The following LINGO2 variants were observed in gnomAD, a reference collection of about 807,000 sequenced individuals.
LINGO2 encodes the protein leucine rich repeat and Ig domain containing 2.
A neutral mutation model predicts 30.6 loss-of-function variants in LINGO2; 14 were observed. The ratio of observed to expected loss-of-function variants is 0.46; its 90% CI spans 0.30 to 0.72. LINGO2 has a LOEUF of 0.72. LINGO2 is among the 30% of genes least tolerant of loss of function. The pLI is 0.07. For synonymous variants in LINGO2, 317 were observed against 288.5 expected (o/e 1.10, Z -1.00); for missense variants, 729 against 751.7 (o/e 0.97, Z 0.35).
At chr9:29,062,445 A>C in the LINGO2 span, among the ~76,000 whole-genome samples, 1 of 152,200 alleles carries the variant, frequency 6.6e-6, no homozygotes, top group African/African-American at 2.4e-5. Context: ...CTGAGTGTTC[A>C]TCAGTGGATG....
At chr9:28,995,017 A>G in the LINGO2 span, among the ~76,000 whole-genome samples, 4 of 152,042 alleles carry the variant, frequency 2.6e-5, no homozygotes, top group Admixed American at 2.0e-4. Context: ...AAATTGACAA[A>G]TGGGATCTAA....
the LINGO2 span, among the ~76,000 whole-genome samples, chr9:28,939,021 CTTTCT>C: frequency 6.6e-6 from 1 of 152,120 alleles, no homozygotes; most frequent in Non-Finnish European, 1.5e-5. Context: ...ATGAACTTTA[CTTTCT>C]TTTATTACTT....
At chr9:28,920,663 G>T in the LINGO2 span, among the ~76,000 whole-genome samples, 1 of 152,090 alleles carries the variant, frequency 6.6e-6, no homozygotes. Context: ...TTGCAAAAAA[G>T]AATGTAGTAA....
chr9:28,497,232 T>A (rs1819669934), intron 1 of LINGO2, among the ~76,000 whole-genome samples: 1 of 152,236 alleles, frequency 6.6e-6, no homozygotes, highest in Non-Finnish European at 1.5e-5. Flanking sequence ...GAAGTTCTCC[T>A]GGATAATATC....
chr9:28,057,530 T>C (rs980004485), intron 4 of LINGO2, among the ~76,000 whole-genome samples: 13 of 145,120 alleles, frequency 9.0e-5, no homozygotes, highest in Admixed American at 2.1e-4. Flanking sequence ...TGTATATATA[T>C]ACACACACAC....
intron 4 of LINGO2, among the ~76,000 whole-genome samples, chr9:28,243,466 A>AGAAG (rs1430251742): frequency 3.5e-5 from 4 of 115,920 alleles, no homozygotes; most frequent in African/African-American, 1.5e-4. Context: ...TCAAAAAATA[A>AGAAG]AAAAAGAAGA....
At chr9:29,066,485 GGTACTCA>G in the LINGO2 span, among the ~76,000 whole-genome samples, 2 of 151,874 alleles carry the variant, frequency 1.3e-5, no homozygotes, top group South Asian at 4.1e-4. Context: ...AAGCATCCAA[GGTACTCA>G]GTGTATTTGC....
chr9:28,609,136 A>G (rs563244415), intron 1 of LINGO2, among the ~76,000 whole-genome samples: 1 of 150,338 alleles, frequency 6.7e-6, no homozygotes, highest in East Asian at 2.0e-4. Flanking sequence ...AAAATCCAGT[A>G]TGGATTAATG....
chr9:28,159,879 G>A (rs1828237948), intron 4 of LINGO2, among the ~76,000 whole-genome samples: 1 of 151,980 alleles, frequency 6.6e-6, no homozygotes, highest in Admixed American at 6.6e-5. Context: ...TTACCCACAG[G>A]TAGAGAGTAA....
At chr9:28,845,787 A>C in the LINGO2 span, among the ~76,000 whole-genome samples, 1 of 150,854 alleles carries the variant, frequency 6.6e-6, no homozygotes, top group East Asian at 1.9e-4. Flanking sequence ...AATTGGTATA[A>C]AAAAATAAAA....
At chr9:28,375,508 C>T (rs985932953) in intron 2 of LINGO2, among the ~76,000 whole-genome samples, 3 of 152,122 alleles carry the variant, frequency 2.0e-5, no homozygotes, top group African/African-American at 4.8e-5. Context: ...CAGACCAATG[C>T]GACTACTTTG....
chr9:28,053,877 TTTGTC>T (rs1277528750), intron 4 of LINGO2, among the ~76,000 whole-genome samples: 4 of 152,042 alleles, frequency 2.6e-5, no homozygotes, highest in Admixed American at 2.6e-4. Context: ...TCCTGCTTTG[TTTGTC>T]TTATCAATAG....
chr9:28,694,473 G>A, the LINGO2 span, among the ~76,000 whole-genome samples: 1 of 151,904 alleles, frequency 6.6e-6, no homozygotes, highest in African/African-American at 2.4e-5. Flanking sequence ...GACATCTCCT[G>A]TCTCCCAAAG....
intron 5 of LINGO2, among the ~76,000 whole-genome samples, chr9:27,958,667 T>A (rs994366276): frequency 6.6e-6 from 1 of 152,160 alleles, no homozygotes; most frequent in Admixed American, 6.5e-5. Context: ...AACTTTATCA[T>A]AGGTGTGTAT....
At chr9:29,149,337 TAGG>T in the LINGO2 span, among the ~76,000 whole-genome samples, 2 of 151,754 alleles carry the variant, frequency 1.3e-5, no homozygotes, top group African/African-American at 4.8e-5. Context: ...AATAAATAAA[TAGG>T]AGGAGAAGGT....
the LINGO2 span, among the ~76,000 whole-genome samples, chr9:28,846,647 T>C: frequency 8.0e-3 from 1,177 of 147,720 alleles, 144 homozygotes; most frequent in African/African-American, 0.029. Flanking sequence ...TTTGTTCTTA[T>C]TTCCTTTTCT....
chr9:28,984,485 A>T, the LINGO2 span, among the ~76,000 whole-genome samples: 1 of 152,054 alleles, frequency 6.6e-6, no homozygotes, highest in Admixed American at 6.6e-5. Context: ...AATACAAAAT[A>T]ACAATTATTT....
the LINGO2 span, among the ~76,000 whole-genome samples, chr9:29,152,322 A>C: frequency 1.3e-5 from 2 of 152,212 alleles, no homozygotes; most frequent in Non-Finnish European, 2.9e-5. Context: ...ATATACCCAA[A>C]GGAAAATAAT....
intron 3 of LINGO2, among the ~76,000 whole-genome samples, chr9:28,312,707 A>C (rs1224151095): frequency 6.6e-6 from 1 of 152,148 alleles, no homozygotes; most frequent in African/African-American, 2.4e-5. Flanking sequence ...ATTCTGAGAA[A>C]ATTTTAATAG....
Sources: allele counts gnomAD v4.1 joint callset (sites outside exome capture counted in the v4.1 genomes callset), GRCh38; gene constraint gnomAD v4.1.1; transcripts MANE v1.5; gene names NCBI Gene and HGNC (gene_info 2026-07-23, HGNC 2026-07-21).